Variants in CPNE4 observed in about 807,000 individuals in gnomAD.
The protein encoded by CPNE4 is copine 4.
In CPNE4, 25 loss-of-function variants were observed where a neutral mutation model predicts 67.9. The ratio of observed to expected loss-of-function variants is 0.37; its 90% CI spans 0.27 to 0.51. The LOEUF is 0.51. Among genes scored for constraint, CPNE4 ranks in the 20% least tolerant of loss-of-function variants. The pLI is 0.93. For missense variants in CPNE4, 464 were observed against 690.8 expected (o/e 0.67, Z 3.68); for synonymous variants, 242 against 244.9 (o/e 0.99, Z 0.11).
chr3:131,553,614 T>C (rs1294606527), intron 12 of CPNE4, among the ~76,000 whole-genome samples: 1 of 152,078 alleles, frequency 6.6e-6, no homozygotes, highest in East Asian at 1.9e-4. Flanking sequence ...GTAACTGACT[T>C]GATAATATAC....
intron 1 of CPNE4, among the ~76,000 whole-genome samples, chr3:131,969,676 GC>G (rs1337715884): frequency 2.0e-5 from 3 of 152,164 alleles, no homozygotes; most frequent in Non-Finnish European, 4.4e-5. Flanking sequence ...CTAAGGGGCA[GC>G]AGGGTGCTTT....
At chr3:131,874,238 T>A (rs993264027) in intron 2 of CPNE4, among the ~76,000 whole-genome samples, 5 of 151,886 alleles carry the variant, frequency 3.3e-5, no homozygotes, top group South Asian at 2.1e-4. Context: ...ACAGGCGCCC[T>A]CCACCACGCC....
At chr3:131,813,334 T>C (rs1423083045) in intron 2 of CPNE4, among the ~76,000 whole-genome samples, 2 of 151,292 alleles carry the variant, frequency 1.3e-5, no homozygotes, top group Non-Finnish European at 3.0e-5. Flanking sequence ...GTAGTTGTAA[T>C]AGAATAGAAG....
intron 1 of CPNE4, among the ~76,000 whole-genome samples, chr3:131,924,155 G>A (rs2070826993): frequency 3.3e-5 from 5 of 152,184 alleles, no homozygotes; most frequent in Admixed American, 3.3e-4. Flanking sequence ...CTTCTCATCA[G>A]AAGTATAGCT....
At chr3:131,770,967 G>A (rs528530083) in intron 2 of CPNE4, among the ~76,000 whole-genome samples, 2 of 152,264 alleles carry the variant, frequency 1.3e-5, no homozygotes, top group South Asian at 4.1e-4. Context: ...CAAGCCAGAA[G>A]ACATGAAAAT....
intron 1 of CPNE4, among the ~76,000 whole-genome samples, chr3:131,940,636 T>C (rs1056206589): frequency 3.9e-5 from 6 of 152,100 alleles, no homozygotes; most frequent in African/African-American, 1.4e-4. Context: ...AACTCTCACC[T>C]GAAGCTGAAT....
At chr3:131,751,941 A>G (rs1351954150) in intron 2 of CPNE4, among the ~76,000 whole-genome samples, 1 of 151,966 alleles carries the variant, frequency 6.6e-6, no homozygotes, top group African/African-American at 2.4e-5. Flanking sequence ...TGGGAGTCCT[A>G]TTTCCCTAGC....
In CPNE4 at chr3:131,815,578, A is replaced by G. The variant is rs181615469; in HGVS notation, c.180+89686T>C. 2.4e-3 allele frequency among the ~76,000 whole-genome samples: 360 copies of G among 152,236 alleles called. 2 individuals are homozygous for G. Among genetic ancestry groups the G allele is most frequent in the Non-Finnish European group, 4.0e-3 (270 of 68,004 alleles). ...TATGGGAAGATTCCAGAACCTGCCTATATATATATGTAAGTAAGTCCAAGC... is the reference window on the plus strand; with the variant it reads ...TATGGGAAGATTCCAGAACCTGCCTGTATATATATGTAAGTAAGTCCAAGC... On this transcript the variant is annotated intron_variant, in intron 2 of 15. Coordinates refer to ENST00000429747, the MANE Select transcript of CPNE4 (RefSeq NM_130808.3).
intron 2 of CPNE4, among the ~76,000 whole-genome samples, chr3:131,806,317 G>A (rs1367509798): frequency 2.0e-5 from 3 of 152,120 alleles, no homozygotes; most frequent in Admixed American, 6.5e-5. Context: ...TTGGGAGCCC[G>A]AGGCGGGTAG....
chr3:131,900,060 G>T (rs566517147), intron 2 of CPNE4, among the ~76,000 whole-genome samples: 1 of 152,058 alleles, frequency 6.6e-6, no homozygotes, highest in East Asian at 1.9e-4. Flanking sequence ...TAGGTGGAGT[G>T]GGGAGGGGGA....
At chr3:131,768,592 G>A (rs2083084044) in intron 2 of CPNE4, among the ~76,000 whole-genome samples, 1 of 152,124 alleles carries the variant, frequency 6.6e-6, no homozygotes, top group South Asian at 2.1e-4. Flanking sequence ...AGAGTCCTGG[G>A]GGATGTCTGC....
At chr3:131,945,347 C>T (rs1006494247) in intron 1 of CPNE4, among the ~76,000 whole-genome samples, 1 of 152,116 alleles carries the variant, frequency 6.6e-6, no homozygotes, top group Non-Finnish European at 1.5e-5. Flanking sequence ...TGCAAGAGAA[C>T]CTATTGGCAA....
intron 2 of CPNE4, among the ~76,000 whole-genome samples, chr3:131,871,821 G>A (rs1012842669): frequency 1.3e-5 from 2 of 152,152 alleles, no homozygotes; most frequent in African/African-American, 4.8e-5. Flanking sequence ...CCTTGTACCT[G>A]AAATTATCTT....
chr3:131,993,007 A>G (rs1583570848), intron 1 of CPNE4, among the ~76,000 whole-genome samples: 1 of 136,304 alleles, frequency 7.3e-6, no homozygotes, highest in South Asian at 2.6e-4. Flanking sequence ...TAAATTACCC[A>G]GTCTTGGGTA....
intron 12 of CPNE4, among the ~76,000 whole-genome samples, chr3:131,555,135 C>T (rs961284377): frequency 6.6e-5 from 10 of 152,018 alleles, no homozygotes; most frequent in Non-Finnish European, 1.2e-4. Flanking sequence ...CGGACTTTCC[C>T]AGTTGGCATT....
intron 1 of CPNE4, among the ~76,000 whole-genome samples, chr3:132,015,551 G>T (rs1430375997): frequency 6.6e-6 from 1 of 151,968 alleles, no homozygotes; most frequent in East Asian, 1.9e-4. Context: ...TATCATATAC[G>T]ATATGATGTC....
chr3:131,674,697 T>G (rs1000942514), intron 6 of CPNE4, among the ~76,000 whole-genome samples: 1 of 151,928 alleles, frequency 6.6e-6, no homozygotes, highest in Non-Finnish European at 1.5e-5. Flanking sequence ...TATTTGGGTA[T>G]TCTGTCTTTT....
chr3:131,999,054 GA>G (rs2073363046), intron 1 of CPNE4, among the ~76,000 whole-genome samples: 1 of 151,838 alleles, frequency 6.6e-6, no homozygotes, highest in African/African-American at 2.4e-5. Context: ...TGAGGGGCAT[GA>G]AAGAGGCAGT....
intron 2 of CPNE4, among the ~76,000 whole-genome samples, chr3:131,764,362 G>A (rs2082958724): frequency 6.6e-6 from 1 of 151,916 alleles, no homozygotes; most frequent in Admixed American, 6.6e-5. Flanking sequence ...TTATTTTGGG[G>A]TGACATCTTT....
Sources: gnomAD v4.1 joint callset for allele counts (sites outside exome capture counted in the v4.1 genomes callset) on GRCh38, gnomAD v4.1.1 for gene constraint, MANE v1.5 for transcripts, NCBI Gene and HGNC (gene_info 2026-07-23, HGNC 2026-07-21) for gene names.